TET2: variants seen among roughly 807,000 people sequenced by gnomAD.
TET2 encodes methylcytosine dioxygenase TET2.
A neutral mutation model predicts 142.9 loss-of-function variants in TET2; 299 were observed. That is an observed-to-expected ratio of 2.09 (90% confidence interval 1.90 to 2.30). The LOEUF (loss-of-function observed/expected upper bound fraction) is 2.30, where lower values mean the gene tolerates loss of function less well. TET2 is among the 30% of genes most tolerant of loss of function. The probability of loss-of-function intolerance (pLI) is 0.00; values close to 1 mark genes in which losing one functional copy is unlikely to be tolerated. For synonymous variants in TET2, 819 were observed against 849.0 expected (o/e 0.96, Z 0.61); for missense variants, 2,418 against 2,378.0 (o/e 1.02, Z -0.35).
intron 9 of TET2, among the ~76,000 whole-genome samples, chr4:105,270,625 G>A (rs927720303): frequency 1.3e-5 from 2 of 151,770 alleles, no homozygotes; most frequent in African/African-American, 4.8e-5. Context: ...TGGGTAAAAT[G>A]GATCGGTCTT....
chr4:105,261,745 T>G lies in TET2; in HGVS notation c.3955-14T>G. 6.8e-7 allele frequency: 1 copy of G among 1,476,510 alleles called. No homozygotes were observed. Among genetic ancestry groups the G allele is most frequent in the Non-Finnish European group, 9.2e-7 (1 of 1,082,520 alleles). 91.5% of individuals were successfully genotyped at this position (1,476,510 alleles called of 1,614,324 possible). The stretch of plus-strand genomic sequence containing the variant: ...ACTTAGAATTTAATATGTAGAATTA[T>G]TCACTTTATACAGGAAGAGAAACTG... On this transcript the variant is annotated splice_polypyrimidine_tract_variant and intron_variant, in intron 7 of 10. Coordinates refer to ENST00000380013, the MANE Select transcript of TET2 (RefSeq NM_001127208.3).
chr4:105,223,833 G>A (rs548786230), intron 2 of TET2, among the ~76,000 whole-genome samples: 2 of 152,178 alleles, frequency 1.3e-5, no homozygotes, highest in South Asian at 4.1e-4. Flanking sequence ...GTGACAGAGA[G>A]ATACACAGTG....
At chr4:105,163,850 AGAGAGTGT>A (rs1389012097) in intron 1 of TET2, among the ~76,000 whole-genome samples, 25 of 109,686 alleles carry the variant, frequency 2.3e-4, no homozygotes, top group Admixed American at 8.5e-4. Context: ...AGAGAGAGAG[AGAGAGTGT>A]GTGTGTGTGT....
At chr4:105,155,869 A>C (rs1723540602) in intron 1 of TET2, among the ~76,000 whole-genome samples, 1 of 152,230 alleles carries the variant, frequency 6.6e-6, no homozygotes, top group Non-Finnish European at 1.5e-5. Context: ...GTATGATCAT[A>C]GCATCTACTT....
intron 1 of TET2, among the ~76,000 whole-genome samples, chr4:105,158,845 C>G (rs971378170): frequency 2.0e-5 from 3 of 152,086 alleles, no homozygotes; most frequent in African/African-American, 7.2e-5. Flanking sequence ...AAATAAATCA[C>G]CCTTAGTTAG....
At chr4:105,183,332 T>G (rs1322659727) in intron 1 of TET2, among the ~76,000 whole-genome samples, 1 of 152,192 alleles carries the variant, frequency 6.6e-6, no homozygotes, top group Non-Finnish European at 1.5e-5. Flanking sequence ...TATATTACAA[T>G]GTAAGGGATA....
intron 2 of TET2, among the ~76,000 whole-genome samples, chr4:105,228,744 G>T (rs1044258474): frequency 2.6e-5 from 4 of 152,024 alleles, no homozygotes; most frequent in Non-Finnish European, 4.4e-5. Context: ...TATCTGGACA[G>T]GTAATTGACT....
At chr4:105,273,022 A>C (rs1444447314) in intron 10 of TET2, 104 bp downstream of exon 10, 2 of 865,420 alleles carry the variant, frequency 2.3e-6, no homozygotes, top group Non-Finnish European at 3.5e-6. Flanking sequence ...TCTGGGGTAC[A>C]CATGCAGGAT....
At chr4:105,167,968 G>A (rs2110404224) in intron 1 of TET2, among the ~76,000 whole-genome samples, 1 of 152,290 alleles carries the variant, frequency 6.6e-6, no homozygotes, top group South Asian at 2.1e-4. Context: ...CCTCCAACAT[G>A]TTCTGTTGAC....
At position 105,196,632 on chromosome 4, in the gene TET2, C is replaced by G. The variant is rs150169504; in HGVS notation, c.-47+6127C>G. Among the ~76,000 whole-genome samples, 228 of 152,292 alleles carry G rather than the reference C, an allele frequency of 1.5e-3. 2 individuals are homozygous for G. Among genetic ancestry groups the G allele is most frequent in the African/African-American group, 5.2e-3 (216 of 41,540 alleles). On this transcript the variant is annotated intron_variant, in intron 2 of 10. Coordinates refer to ENST00000380013, the MANE Select transcript of TET2 (RefSeq NM_001127208.3). ...CACACTGAACCTTTGTACCGCTGTT[C>G]CTCTCCTGATGAACTTCCCTTTTCT...
At chr4:105,157,727 A>G (rs777105073) in intron 1 of TET2, among the ~76,000 whole-genome samples, 11 of 152,170 alleles carry the variant, frequency 7.2e-5, no homozygotes, top group Admixed American at 1.3e-4. Context: ...CCCAGGCTGG[A>G]GTGCAGTGGC....
chr4:105,171,097 G>A (rs1008931924), intron 1 of TET2, among the ~76,000 whole-genome samples: 1 of 151,948 alleles, frequency 6.6e-6, no homozygotes, highest in African/African-American at 2.4e-5. Flanking sequence ...TGTTTTGAGT[G>A]CAGTTTTCTT....
chr4:105,256,210 CTCTT>C (rs1730123461), intron 6 of TET2, among the ~76,000 whole-genome samples: 1 of 151,996 alleles, frequency 6.6e-6, no homozygotes, highest in Non-Finnish European at 1.5e-5. Context: ...TTTACTGGTG[CTCTT>C]TAAGTTCTTA....
Position 105,277,008 on chromosome 4 carries a change from T to G in TET2, c.*489T>G, listed in dbSNP as rs1731258993. ...TGTACTGAAATACTGGAATTATGGC[T>G]TTTTGAAATGCAGTTTTTACTGTAA... On this transcript the variant is annotated 3_prime_UTR_variant, in exon 11 of 11. Transcript: ENST00000380013. 8.6e-6 allele frequency: 2 copies of G among 233,248 alleles called. No individual in the cohort carries two copies. The highest frequency in any genetic ancestry group is 2.2e-5 in the African/African-American group (1 of 45,328). The allele number at this position is 233,248 out of a possible 1,614,324, so 14.4% of individuals were successfully genotyped here.
chr4:105,242,390 T>C (rs1729355401), intron 4 of TET2: 4 of 1,082,724 alleles, frequency 3.7e-6, no homozygotes, highest in Non-Finnish European at 4.5e-6. Context: ...TACTAACTAT[T>C]TGCCAGCCTC....
At chr4:105,249,637 A>G (rs1729765592) in intron 6 of TET2, among the ~76,000 whole-genome samples, 1 of 152,186 alleles carries the variant, frequency 6.6e-6, no homozygotes, top group African/African-American at 2.4e-5. Context: ...GTAACCATCC[A>G]AGTGGGTATG....
chr4:105,241,375 C>A lies in TET2; in HGVS notation c.3446C>A (p.Thr1149Asn), dbSNP rs1278154244. The A allele has an allele frequency of 6.5e-7, 1 of 1,548,824 alleles. No homozygotes were observed. Among genetic ancestry groups the A allele is most frequent in the South Asian group, 1.2e-5 (1 of 83,410 alleles). The change falls in exon 4 of 11, where the codon ACC becomes AAC. Residue 1149 changes from threonine (T) to asparagine (N), a missense_variant. By Grantham distance (65) the Thr-to-Asn change is moderately conservative. Coordinates refer to ENST00000380013, the MANE Select transcript of TET2 (RefSeq NM_001127208.3). ...GAAAAAGATGAAGGTCCTTTTTATA[C>A]CCATCTAGGAGCAGGTCCTAATGTG... ...IIEKDEGPFY[T>N]HLGAGPNVAA...
chr4:105,236,389 AT>A lies in TET2; in HGVS notation c.2449del (p.Ser817ProfsTer7), dbSNP rs775641220. ...GAAGTACAGAATATAAATCGTAGAA[AT>A]TCCCCTTATAGTCAGACCATGAAAT... ...LEEVQNINRR[N>X]SPYSQTMKSS... is the part of the protein sequence containing the mutation. On this transcript the variant is annotated frameshift_variant, in exon 3 of 11. Transcript: ENST00000380013. LOFTEE classifies it high-confidence loss of function. 6.2e-7 allele frequency: 1 copy of A among 1,614,012 alleles called. No homozygotes were observed. The highest frequency in any genetic ancestry group is 8.5e-7 in the Non-Finnish European group (1 of 1,179,998).
At chr4:105,253,827 G>T (rs1411275714) in intron 6 of TET2, among the ~76,000 whole-genome samples, 1 of 152,008 alleles carries the variant, frequency 6.6e-6, no homozygotes, top group Non-Finnish European at 1.5e-5. Flanking sequence ...TCTTTATCAG[G>T]TTCAGGTAGT....
Sources: gnomAD v4.1 joint callset for allele counts (sites outside exome capture counted in the v4.1 genomes callset) on GRCh38, gnomAD v4.1.1 for gene constraint, MANE v1.5 for transcripts, NCBI Gene and HGNC (gene_info 2026-07-23, HGNC 2026-07-21) for gene names.